The following ASAP1 variants were observed in gnomAD, a reference collection of about 807,000 sequenced individuals.
ASAP1 encodes ArfGAP with SH3 domain, ankyrin repeat and PH domain 1.
In ASAP1, 43 loss-of-function variants were observed where a neutral mutation model predicts 145.2. The ratio of observed to expected loss-of-function variants is 0.30; its 90% confidence interval spans 0.23 to 0.38. ASAP1 has a LOEUF of 0.38. Ranked by LOEUF, ASAP1 falls within the 10% of genes least tolerant of loss-of-function variation. The pLI, the probability that ASAP1 is intolerant of heterozygous loss-of-function variation, is 1.00. For missense variants in ASAP1, 1,018 were observed against 1,355.3 expected, an observed-to-expected ratio of 0.75 and a Z score of 3.91; for synonymous variants, 546 against 515.5, an observed-to-expected ratio of 1.06 and a Z score of -0.80.
intron 3 of ASAP1, among the ~76,000 whole-genome samples, chr8:130,343,215 G>A (rs1825497491): frequency 6.6e-6 from 1 of 152,098 alleles, no homozygotes; most frequent in Non-Finnish European, 1.5e-5. Flanking sequence ...TATTTCCATG[G>A]TAAGCAGGAA....
chr8:130,327,313 T>C (rs895560382), intron 3 of ASAP1, among the ~76,000 whole-genome samples: 3 of 152,150 alleles, frequency 2.0e-5, no homozygotes, highest in African/African-American at 7.2e-5. Flanking sequence ...ACCAAAATTG[T>C]TGGGCAAGCT....
chr8:130,150,740 C>T (rs916735332), intron 13 of ASAP1, among the ~76,000 whole-genome samples: 5 of 152,212 alleles, frequency 3.3e-5, no homozygotes, highest in East Asian at 3.9e-4. Flanking sequence ...ATTAGCTGGG[C>T]GTGGTGAAGT....
chr8:130,259,629 A>G (rs929016077), intron 3 of ASAP1, among the ~76,000 whole-genome samples: 28 of 152,220 alleles, frequency 1.8e-4, no homozygotes, highest in African/African-American at 6.8e-4. Flanking sequence ...ACCCAACCTA[A>G]TGAACCATCA....
At chr8:130,374,034 TAAAAAAAAAA>T (rs34199624) in intron 2 of ASAP1, among the ~76,000 whole-genome samples, 2 of 94,402 alleles carry the variant, frequency 2.1e-5, no homozygotes, top group Admixed American at 1.1e-4. Context: ...TAACTCCCTT[TAAAAAAAAAA>T]AAAAAAAAAA....
intron 2 of ASAP1, among the ~76,000 whole-genome samples, chr8:130,400,526 C>T (rs562581864): frequency 2.6e-5 from 4 of 151,368 alleles, no homozygotes; most frequent in African/African-American, 2.4e-5. Context: ...CGGTGGCTCA[C>T]GCCTGTAATC....
Position 130,333,447 on chromosome 8 carries a change from T to TA in ASAP1, c.186+24569dup, listed in dbSNP as rs1322134558. On this transcript the variant is annotated intron_variant, in intron 3 of 29. Coordinates refer to ENST00000518721, the MANE Select transcript of ASAP1 (RefSeq NM_018482.4). Reference sequence around the variant, plus strand: ...TGAAACCCTGTCTCTACTAAAAATATAAAAAAATTAGCCAGGCATGCTGGC... The same window carrying TA: ...TGAAACCCTGTCTCTACTAAAAATATAAAAAAAATTAGCCAGGCATGCTGGC... 3.9e-5 allele frequency among the ~76,000 whole-genome samples: 6 copies of TA among 152,096 alleles called. No homozygotes were observed. In the South Asian group the frequency reaches 1.0e-3, roughly 26 times the overall value.
intron 4 of ASAP1, among the ~76,000 whole-genome samples, chr8:130,222,345 G>C (rs1452707733): frequency 6.6e-6 from 1 of 152,120 alleles, no homozygotes; most frequent in East Asian, 1.9e-4. Context: ...GATTCTCAGC[G>C]ACTCTAATTA....
intron 25 of ASAP1, among the ~76,000 whole-genome samples, chr8:130,080,550 A>G (rs1230917171): frequency 6.7e-6 from 1 of 148,440 alleles, no homozygotes; most frequent in Non-Finnish European, 1.5e-5. Flanking sequence ...ATCATGGCTC[A>G]CTGTAGCCTT....
At chr8:130,367,608 TA>T (rs1483066439) in intron 2 of ASAP1, among the ~76,000 whole-genome samples, 1 of 152,192 alleles carries the variant, frequency 6.6e-6, no homozygotes, top group Middle Eastern at 3.2e-3. Context: ...TCCTTGTGGT[TA>T]AAATCAGCAC....
At chr8:130,131,661 G>A (rs940939150) in intron 15 of ASAP1, among the ~76,000 whole-genome samples, 13 of 149,408 alleles carry the variant, frequency 8.7e-5, no homozygotes, top group African/African-American at 2.2e-4. Flanking sequence ...GTGGTGATGC[G>A]TGCTTATAGC....
chr8:130,233,101 T>G (rs1818007091), intron 4 of ASAP1, among the ~76,000 whole-genome samples: 1 of 152,186 alleles, frequency 6.6e-6, no homozygotes, highest in Admixed American at 6.5e-5. Context: ...CTATCAGGCC[T>G]CAATAGTCTG....
At chr8:130,268,292 C>A (rs1370724570) in intron 3 of ASAP1, among the ~76,000 whole-genome samples, 1 of 151,686 alleles carries the variant, frequency 6.6e-6, no homozygotes, top group Non-Finnish European at 1.5e-5. Context: ...TCGAGACCAG[C>A]CTGGGAAACA....
chr8:130,089,541 G>A (rs1310936689), intron 25 of ASAP1, among the ~76,000 whole-genome samples: 1 of 152,206 alleles, frequency 6.6e-6, no homozygotes, highest in African/African-American at 2.4e-5. Context: ...CATCAGAGAG[G>A]AAGGTTGCCT....
intron 29 of ASAP1, among the ~76,000 whole-genome samples, chr8:130,055,903 TG>T (rs1347373069): frequency 6.6e-6 from 1 of 152,202 alleles, no homozygotes; most frequent in African/African-American, 2.4e-5. Flanking sequence ...CATGCATGTG[TG>T]AGGTCTTTGT....
At chr8:130,364,041 T>C (rs952842630) in intron 2 of ASAP1, among the ~76,000 whole-genome samples, 6 of 152,172 alleles carry the variant, frequency 3.9e-5, no homozygotes, top group Non-Finnish European at 7.3e-5. Flanking sequence ...ATTGCACTCG[T>C]GCAATTTCAG....
At chr8:130,113,949 T>C (rs2097550669) in intron 23 of ASAP1, among the ~76,000 whole-genome samples, 2 of 151,930 alleles carry the variant, frequency 1.3e-5, no homozygotes, top group South Asian at 4.2e-4. Flanking sequence ...GGCCAGCTAA[T>C]TTTTGTATTT....
chr8:130,382,937 G>A (rs2138408195), intron 2 of ASAP1, among the ~76,000 whole-genome samples: 1 of 152,326 alleles, frequency 6.6e-6, no homozygotes, highest in African/African-American at 2.4e-5. Context: ...AAGCTTCATT[G>A]AAGAGTTGGG....
At chr8:130,418,645 C>T (rs1003852631) in intron 1 of ASAP1, among the ~76,000 whole-genome samples, 7 of 151,764 alleles carry the variant, frequency 4.6e-5, no homozygotes, top group African/African-American at 1.7e-4. Context: ...AAAATGAAAC[C>T]CCGAACCCAT....
intron 27 of ASAP1, among the ~76,000 whole-genome samples, chr8:130,076,098 A>C (rs1207642076): frequency 6.6e-6 from 1 of 152,230 alleles, no homozygotes; most frequent in Non-Finnish European, 1.5e-5. Flanking sequence ...GTTCCTGGGG[A>C]TTATAATAAT....
Sources: allele counts gnomAD v4.1 joint callset (sites outside exome capture counted in the v4.1 genomes callset), GRCh38; gene constraint gnomAD v4.1.1; transcripts MANE v1.5; gene names NCBI Gene and HGNC (gene_info 2026-07-23, HGNC 2026-07-21).